The following GALM variants were observed in gnomAD, a reference collection of about 807,000 sequenced individuals.
The protein encoded by GALM is aldose 1-epimerase.
In GALM, 43 loss-of-function variants were observed where a neutral mutation model predicts 37.4. That is an observed-to-expected ratio of 1.15 (90% CI 0.90 to 1.48). GALM has a LOEUF of 1.48. Among genes scored for constraint, GALM ranks in the 40% most tolerant of loss-of-function variants. The pLI, the probability that GALM is intolerant of heterozygous loss-of-function variation, is 0.00. For synonymous variants in GALM, 199 were observed against 170.6 expected (o/e 1.17, Z -1.30); for missense variants, 456 against 419.1 (o/e 1.09, Z -0.77).
intron 4 of GALM, among the ~76,000 whole-genome samples, chr2:38,726,183 T>C (rs1666481814): frequency 6.6e-6 from 1 of 152,016 alleles, no homozygotes; most frequent in Non-Finnish European, 1.5e-5. Context: ...ATTGTGTCTC[T>C]AGCACCATCT....
chr2:38,709,362 T>C (rs1297325345), intron 4 of GALM, among the ~76,000 whole-genome samples: 1 of 152,034 alleles, frequency 6.6e-6, no homozygotes, highest in Non-Finnish European at 1.5e-5. Flanking sequence ...CTGATGGATC[T>C]AAGATGAAAA....
At chr2:38,733,057 G>C (rs963689353) in intron 6 of GALM, among the ~76,000 whole-genome samples, 1 of 151,570 alleles carries the variant, frequency 6.6e-6, no homozygotes, top group African/African-American at 2.4e-5. Context: ...CCTGTCTCTA[G>C]TAAAAATAAA....
chr2:38,690,026 G>A lies in GALM; in HGVS notation c.634+132G>A, dbSNP rs1665635270. 10 of 583,972 alleles carry A rather than the reference G, an allele frequency of 1.7e-5. No individual in the cohort carries two copies. In the East Asian group the frequency reaches 2.3e-4, roughly 13 times the overall value. The allele number at this position is 583,972 out of a possible 1,614,324, so 36.2% of individuals were successfully genotyped here. ...TTTAGTTAATAGAATTATTCTAGTG[G>A]TAATTTCTTAGTTTTGATATGTGTA... On this transcript the variant is annotated intron_variant, in intron 4 of 6. Coordinates refer to ENST00000272252, the MANE Select transcript of GALM (RefSeq NM_138801.3).
intron 4 of GALM, among the ~76,000 whole-genome samples, chr2:38,699,333 A>G (rs1665871637): frequency 6.6e-6 from 1 of 152,248 alleles, no homozygotes; most frequent in South Asian, 2.1e-4. Context: ...ACAATGTATA[A>G]GGATCAAATC....
chr2:38,669,964 G>A (rs1169571331), intron 1 of GALM, among the ~76,000 whole-genome samples: 1 of 150,786 alleles, frequency 6.6e-6, no homozygotes, highest in Admixed American at 6.6e-5. Context: ...CTGGGTTCAA[G>A]CGATTCTCAT....
intron 1 of GALM, among the ~76,000 whole-genome samples, chr2:38,667,701 C>A (rs1664984410): frequency 6.6e-6 from 1 of 150,732 alleles, no homozygotes; most frequent in Non-Finnish European, 1.5e-5. Flanking sequence ...GGCCAGGCTG[C>A]TGGCGGGCAC....
intron 4 of GALM, among the ~76,000 whole-genome samples, chr2:38,692,804 C>A (rs756914804): frequency 6.6e-6 from 1 of 152,110 alleles, no homozygotes; most frequent in Non-Finnish European, 1.5e-5. Flanking sequence ...TAAATAAAAC[C>A]TGGAAGGGAA....
At chr2:38,673,486 A>C (rs970838052) in intron 1 of GALM, among the ~76,000 whole-genome samples, 27 of 152,166 alleles carry the variant, frequency 1.8e-4, no homozygotes, top group East Asian at 1.7e-3. Context: ...TGAGGACGCT[A>C]CTTTGCTTTT....
chr2:38,724,579 G>A (rs1666448219), intron 4 of GALM, among the ~76,000 whole-genome samples: 1 of 152,188 alleles, frequency 6.6e-6, no homozygotes, highest in African/African-American at 2.4e-5. Flanking sequence ...ATGACCAAGT[G>A]TGTCAGTGCA....
At chr2:38,719,143 C>G (rs1572540055) in intron 4 of GALM, among the ~76,000 whole-genome samples, 2 of 151,846 alleles carry the variant, frequency 1.3e-5, no homozygotes, top group South Asian at 2.1e-4. Flanking sequence ...CTCTCCTGCA[C>G]CTCGTCAGTT....
chr2:38,733,577 G>T lies in GALM; in HGVS notation c.*12G>T. 1 of 1,604,374 alleles carries T rather than the reference G, an allele frequency of 6.2e-7. No homozygotes were observed. Among genetic ancestry groups the T allele is most frequent in the Non-Finnish European group, 8.5e-7 (1 of 1,171,298 alleles). On this transcript the variant is annotated 3_prime_UTR_variant, in exon 7 of 7. Transcript: ENST00000272252. ...TTTCTGTGGCTTAAGGAAGTGTGAAGATATGATCCAGTCCAGGGCTAGGCT... is the reference window on the plus strand; with the variant it reads ...TTTCTGTGGCTTAAGGAAGTGTGAATATATGATCCAGTCCAGGGCTAGGCT...
At chr2:38,679,308 AT>A (rs1251337419) in intron 2 of GALM, among the ~76,000 whole-genome samples, 1 of 151,374 alleles carries the variant, frequency 6.6e-6, no homozygotes, top group Non-Finnish European at 1.5e-5. Flanking sequence ...TTTAAACAAG[AT>A]TTTTTTTTCC....
chr2:38,707,228 T>C (rs146515814), intron 4 of GALM, among the ~76,000 whole-genome samples: 187 of 151,764 alleles, frequency 1.2e-3, no homozygotes, highest in Non-Finnish European at 1.9e-3. Context: ...GCTGGATGCA[T>C]GAGTGTGACG....
At chr2:38,711,001 AC>A (rs1343623947) in intron 4 of GALM, among the ~76,000 whole-genome samples, 3 of 150,956 alleles carry the variant, frequency 2.0e-5, no homozygotes, top group African/African-American at 7.3e-5. Flanking sequence ...CGATCCACCC[AC>A]CTCAGCCTCC....
At chr2:38,730,479 C>G (rs1666583874) in intron 5 of GALM, among the ~76,000 whole-genome samples, 1 of 152,100 alleles carries the variant, frequency 6.6e-6, no homozygotes, top group South Asian at 2.1e-4. Flanking sequence ...GTTGGTCAGG[C>G]TGGTCTTGAA....
At chr2:38,702,932 T>TTTTATATATATATA (rs1553382843) in intron 4 of GALM, among the ~76,000 whole-genome samples, 8 of 134,886 alleles carry the variant, frequency 5.9e-5, no homozygotes, top group African/African-American at 2.0e-4. Flanking sequence ...TATATACTTT[T>TTTTATATATATATA]TATATATATA....
intron 4 of GALM, chr2:38,698,492 G>T: frequency 1.2e-6 from 1 of 851,254 alleles, no homozygotes; most frequent in Non-Finnish European, 1.6e-6. Context: ...TGCGTCTTCA[G>T]AGCAATTATT....
chr2:38,697,187 G>A (rs1172934395), intron 4 of GALM, among the ~76,000 whole-genome samples: 2 of 152,256 alleles, frequency 1.3e-5, no homozygotes, highest in Non-Finnish European at 1.5e-5. Context: ...ATGGATTTAG[G>A]GAAACTTAGG....
At chr2:38,697,685 G>C (rs946849744) in intron 4 of GALM, among the ~76,000 whole-genome samples, 1 of 152,120 alleles carries the variant, frequency 6.6e-6, no homozygotes, top group Non-Finnish European at 1.5e-5. Context: ...TCCCCCTGTA[G>C]GTGTTTGGGG....
Sources: allele counts gnomAD v4.1 joint callset (sites outside exome capture counted in the v4.1 genomes callset), GRCh38; gene constraint gnomAD v4.1.1; transcripts MANE v1.5; gene names NCBI Gene and HGNC (gene_info 2026-07-23, HGNC 2026-07-21).